Variants in DPYSL3 observed in about 807,000 individuals in gnomAD.
DPYSL3 encodes the protein dihydropyrimidinase like 3, also known as dihydropyrimidinase-related protein 3.
DPYSL3 carries 16 observed loss-of-function variants against 66.1 expected under a neutral mutation model. The ratio of observed to expected loss-of-function variants is 0.24; its 90% CI spans 0.16 to 0.37. The LOEUF (loss-of-function observed/expected upper bound fraction) is 0.37, where lower values mean the gene tolerates loss of function less well. Among genes scored for constraint, DPYSL3 ranks in the 10% least tolerant of loss-of-function variants. DPYSL3 has a pLI of 1.00. For synonymous variants in DPYSL3, 338 were observed against 345.1 expected, an observed-to-expected ratio of 0.98 and a Z score of 0.23; for missense variants, 738 against 916.2, an observed-to-expected ratio of 0.81 and a Z score of 2.51.
intron 1 of DPYSL3, among the ~76,000 whole-genome samples, chr5:147,433,152 T>C (rs960956654): frequency 6.6e-6 from 1 of 152,278 alleles, no homozygotes; most frequent in African/African-American, 2.4e-5. Flanking sequence ...GCTGGAACCA[T>C]CTCTGCTATT....
intron 1 of DPYSL3, among the ~76,000 whole-genome samples, chr5:147,450,807 C>T (rs1290505529): frequency 1.3e-5 from 2 of 152,104 alleles, no homozygotes; most frequent in African/African-American, 4.8e-5. Flanking sequence ...GAAAGACTGC[C>T]CCCACTAGTC....
chr5:147,470,874 G>C (rs1041211972), intron 1 of DPYSL3, among the ~76,000 whole-genome samples: 3 of 152,004 alleles, frequency 2.0e-5, no homozygotes, highest in Non-Finnish European at 4.4e-5. Context: ...AGTTTCCCCT[G>C]GTGCTTCTCA....
intron 1 of DPYSL3, among the ~76,000 whole-genome samples, chr5:147,469,003 G>A (rs536711817): frequency 5.1e-4 from 77 of 152,202 alleles, no homozygotes; most frequent in Non-Finnish European, 9.0e-4. Flanking sequence ...TATTTTCCAC[G>A]ACAACACCAA....
At chr5:147,451,126 T>C (rs1211504825) in intron 1 of DPYSL3, among the ~76,000 whole-genome samples, 51 of 152,212 alleles carry the variant, frequency 3.4e-4, no homozygotes, top group Non-Finnish European at 5.9e-5. Flanking sequence ...AGATTCCTTG[T>C]TCATGGAAAT....
At chr5:147,468,933 AATT>A (rs1753046291) in intron 1 of DPYSL3, among the ~76,000 whole-genome samples, 1 of 152,222 alleles carries the variant, frequency 6.6e-6, no homozygotes, top group Non-Finnish European at 1.5e-5. Context: ...ATTCATATTA[AATT>A]TTTTTCAAGT....
At position 147,495,346 on chromosome 5, in the gene DPYSL3, G is replaced by A. The variant is rs576580604; in HGVS notation, c.381+14132C>T. ...CCTTTGAAAACTGACACAAGACAGG[G>A]ATGCCCTCTCTCACCACTCCTATTC... On this transcript the variant is annotated intron_variant, in intron 1 of 13. Transcript: ENST00000343218. 2.6e-5 allele frequency among the ~76,000 whole-genome samples: 4 copies of A among 152,312 alleles called. No homozygotes were observed. In the South Asian group the frequency reaches 8.3e-4, roughly 32 times the overall value.
intron 1 of DPYSL3, among the ~76,000 whole-genome samples, chr5:147,462,387 T>A (rs1187889555): frequency 6.6e-6 from 1 of 152,130 alleles, no homozygotes; most frequent in East Asian, 1.9e-4. Context: ...ACTTTATTGA[T>A]AACATCATGA....
intron 5 of DPYSL3, 52 bp downstream of exon 5, chr5:147,413,544 C>A: frequency 6.9e-7 from 1 of 1,444,952 alleles, no homozygotes; most frequent in Non-Finnish European, 9.7e-7. Flanking sequence ...TCATCAACAA[C>A]AATAGGAAAC....
chr5:147,443,169 T>C (rs1158728848), intron 1 of DPYSL3, among the ~76,000 whole-genome samples: 4 of 152,142 alleles, frequency 2.6e-5, no homozygotes, highest in African/African-American at 9.7e-5. Flanking sequence ...GAAATATAAA[T>C]CATCCTACTA....
intron 1 of DPYSL3, among the ~76,000 whole-genome samples, chr5:147,460,000 C>T (rs1023945243): frequency 2.0e-5 from 3 of 151,836 alleles, no homozygotes; most frequent in East Asian, 1.9e-4. Context: ...ATCCCAGCTA[C>T]GTTGGGAGGC....
At chr5:147,424,997 A>T in intron 1 of DPYSL3, 34 bp from the exon 2 acceptor site, 1 of 1,545,052 alleles carries the variant, frequency 6.5e-7, no homozygotes. Context: ...TTGTTATCAC[A>T]GGTATGATTT....
chr5:147,468,284 C>G (rs1042833264), intron 1 of DPYSL3, among the ~76,000 whole-genome samples: 7 of 152,058 alleles, frequency 4.6e-5, no homozygotes, highest in African/African-American at 1.7e-4. Context: ...CTTTCTTTTT[C>G]CAAGCAGGAG....
At chr5:147,494,343 ATT>A (rs1290993880) in intron 1 of DPYSL3, among the ~76,000 whole-genome samples, 1 of 152,106 alleles carries the variant, frequency 6.6e-6, no homozygotes, top group African/African-American at 2.4e-5. Context: ...AGAAGAAAAG[ATT>A]TCTTTTCTTT....
chr5:147,488,167 C>A (rs973282889), intron 1 of DPYSL3, among the ~76,000 whole-genome samples: 1 of 152,198 alleles, frequency 6.6e-6, no homozygotes, highest in Non-Finnish European at 1.5e-5. Flanking sequence ...TCCAACCCAA[C>A]ATAAGCTTTA....
chr5:147,482,761 A>G (rs1028790349), intron 1 of DPYSL3, among the ~76,000 whole-genome samples: 8 of 152,226 alleles, frequency 5.3e-5, no homozygotes, highest in Admixed American at 3.9e-4. Flanking sequence ...TCACATTGGT[A>G]TAAAGATACT....
At chr5:147,476,356 T>A (rs1017861919) in intron 1 of DPYSL3, among the ~76,000 whole-genome samples, 1 of 152,164 alleles carries the variant, frequency 6.6e-6, no homozygotes, top group Non-Finnish European at 1.5e-5. Context: ...TAATTGATAT[T>A]CGTAATGATG....
chr5:147,405,815 G>A, intron 7 of DPYSL3, 85 bp from the exon 8 acceptor site: 22 of 1,520,848 alleles, frequency 1.4e-5, no homozygotes, highest in Non-Finnish European at 1.9e-5. Flanking sequence ...TGAGGATGCA[G>A]TGCTGCACAA....
chr5:147,489,823 G>T (rs907513286), intron 1 of DPYSL3, among the ~76,000 whole-genome samples: 1 of 151,832 alleles, frequency 6.6e-6, no homozygotes, highest in Non-Finnish European at 1.5e-5. Flanking sequence ...GGTGAAAGGA[G>T]GGTGAGGGCT....
In DPYSL3 at chr5:147,455,224, A is replaced by G. The variant is rs140903767; in HGVS notation, c.382-30261T>C. 6.9e-3 allele frequency among the ~76,000 whole-genome samples: 1,046 copies of G among 152,328 alleles called. 9 individuals carry two copies. Among genetic ancestry groups the G allele is most frequent in the African/African-American group, 0.024 (983 of 41,568 alleles). ...CAGAATACTCCGGCTTGGGCTTTCCATAAACCCGAAACGAACCAGACTGGT... is the reference window on the plus strand; with the variant it reads ...CAGAATACTCCGGCTTGGGCTTTCCGTAAACCCGAAACGAACCAGACTGGT... On this transcript the variant is annotated intron_variant, in intron 1 of 13. Coordinates refer to ENST00000343218, the MANE Select transcript of DPYSL3 (RefSeq NM_001197294.2).
Sources: allele counts gnomAD v4.1 joint callset (sites outside exome capture counted in the v4.1 genomes callset), GRCh38; gene constraint gnomAD v4.1.1; transcripts MANE v1.5; gene names NCBI Gene and HGNC (gene_info 2026-07-23, HGNC 2026-07-21).